The following UTRN variants were observed in gnomAD, a reference collection of about 807,000 sequenced individuals.
The protein encoded by UTRN is utrophin.
A neutral mutation model predicts 463.9 loss-of-function variants in UTRN; 283 were observed. The ratio of observed to expected loss-of-function variants is 0.61; its 90% CI spans 0.55 to 0.67. UTRN has a LOEUF of 0.67. UTRN is among the 30% of genes least tolerant of loss of function. UTRN has a pLI of 0.00. For missense variants in UTRN, 3,922 were observed against 4,084.3 expected (o/e 0.96, Z 1.08); for synonymous variants, 1,442 against 1,431.5 (o/e 1.01, Z -0.17).
intron 51 of UTRN, among the ~76,000 whole-genome samples, chr6:144,670,304 T>A (rs1585901784): frequency 6.6e-6 from 1 of 152,194 alleles, no homozygotes; most frequent in South Asian, 2.1e-4. Flanking sequence ...TTTTTATTTT[T>A]TAATTATGGC....
At chr6:144,833,845 G>T (rs1032626360) in intron 69 of UTRN, among the ~76,000 whole-genome samples, 1 of 152,098 alleles carries the variant, frequency 6.6e-6, no homozygotes, top group Non-Finnish European at 1.5e-5. Context: ...TAGGGTGTTG[G>T]CCATTTACTT....
At chr6:144,843,497 G>T (rs1175042866) in intron 73 of UTRN, among the ~76,000 whole-genome samples, 1 of 152,102 alleles carries the variant, frequency 6.6e-6, no homozygotes, top group Non-Finnish European at 1.5e-5. Context: ...AATTGTAACA[G>T]GTAAATGTAT....
chr6:144,615,561 T>C (rs1299083292), intron 51 of UTRN, among the ~76,000 whole-genome samples: 1 of 152,194 alleles, frequency 6.6e-6, no homozygotes, highest in Non-Finnish European at 1.5e-5. Flanking sequence ...CAGAACACTC[T>C]AAGTCACGCT....
At chr6:144,748,613 G>A in intron 55 of UTRN, 99 bp downstream of exon 55, 1 of 1,460,218 alleles carries the variant, frequency 6.8e-7, no homozygotes, top group African/African-American at 1.4e-5. Flanking sequence ...ATAAGGGATT[G>A]TTACAAAGCC....
chr6:144,678,552 C>T lies in UTRN; in HGVS notation c.7626C>T (p.Asp2542=). 1 of 1,611,086 alleles carries T rather than the reference C, an allele frequency of 6.2e-7. No individual in the cohort carries two copies. The highest frequency in any genetic ancestry group is 2.2e-5 in the East Asian group (1 of 44,750). ...ATGATATGAACCAAAGATGGAATGACTTAAAAGCAAAATCTGCTAGCATCA... is the reference window on the plus strand; with the variant it reads ...ATGATATGAACCAAAGATGGAATGATTTAAAAGCAAAATCTGCTAGCATCA... ...RLDDMNQRWN[D]LKAKSASIRA... The change falls in exon 52 of 75, where the codon GAC becomes GAT. Residue 2542 remains aspartate, a synonymous_variant. Transcript: ENST00000367545.
At chr6:144,706,771 C>T (rs895540561) in intron 53 of UTRN, 1 of 152,190 alleles carries the variant, frequency 6.6e-6, no homozygotes, top group Non-Finnish European at 1.5e-5. Flanking sequence ...TGAACATTTA[C>T]AAATTTTAAC....
intron 54 of UTRN, among the ~76,000 whole-genome samples, chr6:144,741,049 C>T (rs1047677258): frequency 1.3e-5 from 2 of 152,166 alleles, no homozygotes; most frequent in Non-Finnish European, 2.9e-5. Context: ...GTATAATGTA[C>T]TTATGTTTTG....
At chr6:144,712,428 G>A (rs908562528) in intron 53 of UTRN, among the ~76,000 whole-genome samples, 1 of 152,154 alleles carries the variant, frequency 6.6e-6, no homozygotes, top group Non-Finnish European at 1.5e-5. Flanking sequence ...AATTAAGAGT[G>A]GATCACAAAT....
chr6:144,754,922 G>A, intron 57 of UTRN, 124 bp downstream of exon 57: 1 of 848,218 alleles, frequency 1.2e-6, no homozygotes, highest in Non-Finnish European at 1.8e-6. Context: ...TTGTAAGGAG[G>A]TACTAACATC....
chr6:144,493,508 T>G lies in UTRN; in HGVS notation c.4593+52T>G, dbSNP rs528599951. ...CTCTCTGTCTCTCTCTCTCTCTCTC[T>G]CAATCTCTCTCTCTCTCTCGTTCTC... On this transcript the variant is annotated intron_variant, in intron 33 of 74. Coordinates refer to ENST00000367545, the MANE Select transcript of UTRN (RefSeq NM_007124.3). 283 of 1,482,966 alleles carry G rather than the reference T, an allele frequency of 1.9e-4. No individual in the cohort carries two copies. In the African/African-American group the frequency reaches 3.7e-3, roughly 19 times the overall value. 91.9% of individuals were successfully genotyped at this position (1,482,966 alleles called of 1,614,324 possible).
chr6:144,671,781 G>A (rs570800036), intron 51 of UTRN, among the ~76,000 whole-genome samples: 49 of 152,030 alleles, frequency 3.2e-4, no homozygotes, highest in Non-Finnish European at 5.1e-4. Flanking sequence ...TAAGTATAAT[G>A]TTGGCTGTGA....
At chr6:144,422,428 G>A (rs1584721614) in intron 4 of UTRN, among the ~76,000 whole-genome samples, 1 of 152,164 alleles carries the variant, frequency 6.6e-6, no homozygotes, top group Non-Finnish European at 1.5e-5. Context: ...ACCAGCCTGA[G>A]CAACATGGTG....
At position 144,796,011 on chromosome 6, in the gene UTRN, G is replaced by A. The variant is rs562940236; in HGVS notation, c.9079-1813G>A. Among the ~76,000 whole-genome samples the A allele has an allele frequency of 3.9e-5, 6 of 152,186 alleles. 1 individual carries two copies. In the South Asian group the frequency reaches 1.2e-3, roughly 32 times the overall value. On this transcript the variant is annotated intron_variant, in intron 63 of 74. Coordinates refer to ENST00000367545, the MANE Select transcript of UTRN (RefSeq NM_007124.3). Reference sequence around the variant, plus strand: ...CCATGACTATGTCCTGAATGGTATTGCCTAGGTTTTCATCTAGGATTTTTA... The same window carrying A: ...CCATGACTATGTCCTGAATGGTATTACCTAGGTTTTCATCTAGGATTTTTA...
chr6:144,296,121 A>G (rs1804667258), intron 2 of UTRN, among the ~76,000 whole-genome samples: 1 of 152,128 alleles, frequency 6.6e-6, no homozygotes, highest in African/African-American at 2.4e-5. Context: ...CCTTCCCACT[A>G]GAACAGGGCT....
intron 2 of UTRN, among the ~76,000 whole-genome samples, chr6:144,361,091 G>A (rs1779042240): frequency 1.3e-5 from 2 of 152,212 alleles, no homozygotes. Flanking sequence ...AGACAGGACA[G>A]TAAATATTCT....
At chr6:144,313,267 C>T (rs1448676416) in intron 2 of UTRN, among the ~76,000 whole-genome samples, 4 of 151,460 alleles carry the variant, frequency 2.6e-5, no homozygotes, top group Non-Finnish European at 4.4e-5. Context: ...GCCACGTGGA[C>T]TCATCTTGCT....
intron 2 of UTRN, among the ~76,000 whole-genome samples, chr6:144,341,951 G>T (rs1019653844): frequency 6.6e-6 from 1 of 152,168 alleles, no homozygotes; most frequent in Admixed American, 6.5e-5. Context: ...GTTAAAGATG[G>T]ACACCTTCAG....
intron 2 of UTRN, among the ~76,000 whole-genome samples, chr6:144,356,294 T>A (rs1778540013): frequency 6.6e-6 from 1 of 152,192 alleles, no homozygotes; most frequent in African/African-American, 2.4e-5. Context: ...GTTCAAGTAA[T>A]CAGAAGGGAT....
At chr6:144,850,553 G>C (rs1230472321) in intron 74 of UTRN, among the ~76,000 whole-genome samples, 1 of 152,084 alleles carries the variant, frequency 6.6e-6, no homozygotes, top group Non-Finnish European at 1.5e-5. Flanking sequence ...AAACACCCTT[G>C]GGTTATGATT....
Sources: gnomAD v4.1 joint callset for allele counts (sites outside exome capture counted in the v4.1 genomes callset) on GRCh38, gnomAD v4.1.1 for gene constraint, MANE v1.5 for transcripts, NCBI Gene and HGNC (gene_info 2026-07-23, HGNC 2026-07-21) for gene names.